Variants in PPFIA2 observed in about 807,000 individuals in gnomAD.
PPFIA2 encodes the protein PPFI scaffold protein A2.
Under a neutral mutation model 175.5 loss-of-function variants are expected in PPFIA2, and 46 were observed. That is an observed-to-expected ratio of 0.26 (90% confidence interval 0.21 to 0.34). The LOEUF is 0.34. PPFIA2 is among the 10% of genes least tolerant of loss of function. PPFIA2 has a pLI of 1.00. For missense variants in PPFIA2, 1,179 were observed against 1,506.1 expected (o/e 0.78, Z 3.60); for synonymous variants, 568 against 511.4 (o/e 1.11, Z -1.49).
intron 9 of PPFIA2, 26 bp from the exon 10 acceptor site, chr12:81,375,968 G>A: frequency 3.8e-6 from 6 of 1,585,322 alleles, no homozygotes; most frequent in Non-Finnish European, 5.2e-6. Context: ...TTTAGAAAAA[G>A]CAAATCAGAT....
chr12:81,474,965 TAC>T (rs1279539228), intron 4 of PPFIA2, among the ~76,000 whole-genome samples: 1 of 152,176 alleles, frequency 6.6e-6, no homozygotes, highest in Non-Finnish European at 1.5e-5. Flanking sequence ...AATAGAATAA[TAC>T]ACAACACAAA....
At chr12:81,583,402 G>A (rs1265023744) in intron 4 of PPFIA2, among the ~76,000 whole-genome samples, 1 of 151,240 alleles carries the variant, frequency 6.6e-6, no homozygotes, top group Non-Finnish European at 1.5e-5. Context: ...CAAGGTTTAT[G>A]TGCTAGCTCT....
intron 4 of PPFIA2, among the ~76,000 whole-genome samples, chr12:81,599,366 A>C (rs1024150638): frequency 1.7e-4 from 26 of 152,152 alleles, no homozygotes; most frequent in African/African-American, 6.0e-4. Flanking sequence ...AGTTTATAAC[A>C]TCAATGGAAA....
chr12:81,541,059 T>G (rs2066137111), intron 4 of PPFIA2, among the ~76,000 whole-genome samples: 1 of 152,106 alleles, frequency 6.6e-6, no homozygotes, highest in Non-Finnish European at 1.5e-5. Flanking sequence ...AAACAACATA[T>G]ATTATCATTA....
chr12:81,611,653 G>GT (rs113472770), intron 4 of PPFIA2, among the ~76,000 whole-genome samples: 1,670 of 152,236 alleles, frequency 0.011, 47 homozygotes, highest in East Asian at 0.092. Context: ...GGTCACATCT[G>GT]TTGCAAAGAA....
At chr12:81,506,750 G>A (rs2061214992) in intron 4 of PPFIA2, among the ~76,000 whole-genome samples, 1 of 152,134 alleles carries the variant, frequency 6.6e-6, no homozygotes, top group South Asian at 2.1e-4. Context: ...TTTCTGCAAA[G>A]GGCCAGATAG....
At chr12:81,678,991 A>T (rs1567834624) in intron 3 of PPFIA2, among the ~76,000 whole-genome samples, 1 of 151,868 alleles carries the variant, frequency 6.6e-6, no homozygotes, top group African/African-American at 2.4e-5. Context: ...TAGCATTCTT[A>T]TTGTCACTTA....
chr12:81,576,042 C>G (rs1041329439), intron 4 of PPFIA2, among the ~76,000 whole-genome samples: 3 of 151,622 alleles, frequency 2.0e-5, no homozygotes, highest in African/African-American at 7.3e-5. Context: ...CAGGTGAACA[C>G]TTAGTCATAC....
At chr12:81,605,561 A>G (rs1289107807) in intron 4 of PPFIA2, among the ~76,000 whole-genome samples, 1 of 151,920 alleles carries the variant, frequency 6.6e-6, no homozygotes. Flanking sequence ...GATGGACAAT[A>G]CATCCTAGTA....
intron 4 of PPFIA2, among the ~76,000 whole-genome samples, chr12:81,616,767 A>G (rs546714797): frequency 6.6e-6 from 1 of 152,334 alleles, no homozygotes; most frequent in African/African-American, 2.4e-5. Flanking sequence ...AATTCTTATT[A>G]CAAATGCTTT....
intron 14 of PPFIA2, among the ~76,000 whole-genome samples, chr12:81,366,589 C>T (rs1404373905): frequency 1.3e-5 from 2 of 151,706 alleles, no homozygotes; most frequent in Non-Finnish European, 2.9e-5. Flanking sequence ...TTGGCATCTG[C>T]TACCCTGCAT....
chr12:81,358,071 A>G lies in PPFIA2; in HGVS notation c.1773+11T>C, dbSNP rs751290067. On this transcript the variant is annotated intron_variant, in intron 16 of 32. Coordinates refer to ENST00000549396, the MANE Select transcript of PPFIA2 (RefSeq NM_003625.5). ...ATAAAACTAGAGAAGAGTTGAAGTT[A>G]AAAGATTAACCTTTGGCTCATCTCT... is the stretch of plus-strand genomic sequence containing the variant. The G allele has an allele frequency of 9.5e-6, 15 of 1,573,236 alleles. No homozygotes were observed. Among genetic ancestry groups the G allele is most frequent in the African/African-American group, 1.4e-5 (1 of 73,056 alleles).
intron 3 of PPFIA2, among the ~76,000 whole-genome samples, chr12:81,731,135 G>C (rs2080845208): frequency 6.6e-6 from 1 of 151,590 alleles, no homozygotes; most frequent in Admixed American, 6.6e-5. Flanking sequence ...CACAGCCTTG[G>C]TCTTCAGAAG....
At chr12:81,726,514 C>T (rs1027091987) in intron 3 of PPFIA2, among the ~76,000 whole-genome samples, 5 of 151,314 alleles carry the variant, frequency 3.3e-5, no homozygotes, top group East Asian at 2.0e-4. Context: ...TGAAAACTTG[C>T]AGAAAGAGGG....
chr12:81,684,733 A>C (rs2074187201), intron 3 of PPFIA2, among the ~76,000 whole-genome samples: 1 of 151,952 alleles, frequency 6.6e-6, no homozygotes, highest in Admixed American at 6.6e-5. Flanking sequence ...AAGTGTTATA[A>C]CTCCAAGCCC....
At position 81,281,456 on chromosome 12, in the gene PPFIA2, A is replaced by C; in HGVS notation, c.3019-6T>G. ...GTCTGTAGAAAAACCGGACACTAGA[A>C]TTGTTTTATAGCAGTCAAGTTTCTT... On this transcript the variant is annotated splice_polypyrimidine_tract_variant and splice_region_variant and intron_variant, in intron 26 of 32. Coordinates refer to ENST00000549396, the MANE Select transcript of PPFIA2 (RefSeq NM_003625.5). 6.3e-7 allele frequency: 1 copy of C among 1,583,888 alleles called. No individual in the cohort carries two copies. Among genetic ancestry groups the C allele is most frequent in the Non-Finnish European group, 8.6e-7 (1 of 1,157,586 alleles).
At chr12:81,699,544 T>C (rs2076267589) in intron 3 of PPFIA2, among the ~76,000 whole-genome samples, 1 of 116,152 alleles carries the variant, frequency 8.6e-6, no homozygotes, top group Non-Finnish European at 2.1e-5. Flanking sequence ...AATAATATCC[T>C]CTCTAAAACA....
At chr12:81,326,712 G>A (rs531790546) in intron 21 of PPFIA2, among the ~76,000 whole-genome samples, 19 of 152,112 alleles carry the variant, frequency 1.2e-4, no homozygotes, top group African/African-American at 4.3e-4. Flanking sequence ...ATTATCTGTT[G>A]TAATTGAAAA....
chr12:81,649,882 A>G (rs1222836316), intron 4 of PPFIA2, among the ~76,000 whole-genome samples: 1 of 152,234 alleles, frequency 6.6e-6, no homozygotes, highest in East Asian at 1.9e-4. Context: ...TATTAGTGTC[A>G]GTATAGTCTG....
Sources: allele counts gnomAD v4.1 joint callset (sites outside exome capture counted in the v4.1 genomes callset), GRCh38; gene constraint gnomAD v4.1.1; transcripts MANE v1.5; gene names NCBI Gene and HGNC (gene_info 2026-07-23, HGNC 2026-07-21).